TBC1D5: variants seen among roughly 807,000 people sequenced by gnomAD.
The protein encoded by TBC1D5 is TBC1 domain family member 5, also known as TBC1 domain family, member 5.
A neutral mutation model predicts 100.3 loss-of-function variants in TBC1D5; 75 were observed. That is an observed-to-expected ratio of 0.75 (90% confidence interval 0.62 to 0.91). TBC1D5 has a LOEUF of 0.91. Ranked by LOEUF, TBC1D5 falls within the 40% of genes least tolerant of loss-of-function variation. TBC1D5 has a pLI of 0.00. For missense variants in TBC1D5, 910 were observed against 942.4 expected (o/e 0.97, Z 0.45); for synonymous variants, 323 against 325.6 (o/e 0.99, Z 0.09).
At chr3:17,413,045 G>A (rs1158218218) in intron 4 of TBC1D5, among the ~76,000 whole-genome samples, 2 of 152,176 alleles carry the variant, frequency 1.3e-5, no homozygotes, top group South Asian at 2.1e-4. Context: ...GAACCTGGGT[G>A]TTTAGGTGTG....
At chr3:17,611,769 T>C (rs2061686856) in intron 2 of TBC1D5, among the ~76,000 whole-genome samples, 1 of 152,156 alleles carries the variant, frequency 6.6e-6, no homozygotes, top group African/African-American at 2.4e-5. Flanking sequence ...TTCAAAAAAG[T>C]TGCCTGTAAA....
At chr3:17,480,310 G>C (rs1010627225) in intron 3 of TBC1D5, among the ~76,000 whole-genome samples, 1 of 152,188 alleles carries the variant, frequency 6.6e-6, no homozygotes, top group Non-Finnish European at 1.5e-5. Context: ...ACAGGCTCTC[G>C]GGCAGAAACA....
At chr3:17,332,967 T>C (rs1424980203) in intron 13 of TBC1D5, among the ~76,000 whole-genome samples, 1 of 152,064 alleles carries the variant, frequency 6.6e-6, no homozygotes, top group African/African-American at 2.4e-5. Flanking sequence ...GGAAAATAGC[T>C]GGAGGGGGAT....
intron 1 of TBC1D5, among the ~76,000 whole-genome samples, chr3:17,737,611 A>C (rs1306139217): frequency 6.6e-6 from 1 of 152,180 alleles, no homozygotes; most frequent in African/African-American, 2.4e-5. Flanking sequence ...ATGCACTCAT[A>C]GCAGAATTTT....
intron 2 of TBC1D5, among the ~76,000 whole-genome samples, chr3:17,539,450 C>A (rs534300909): frequency 2.5e-4 from 38 of 152,274 alleles, no homozygotes; most frequent in African/African-American, 8.2e-4. Context: ...TTTTGCAGGG[C>A]CATTTTTAAA....
chr3:17,351,893 T>C (rs1026166230), intron 13 of TBC1D5, among the ~76,000 whole-genome samples: 3 of 150,484 alleles, frequency 2.0e-5, no homozygotes, highest in Non-Finnish European at 4.4e-5. Context: ...TGGCTAAATA[T>C]GGTAAGGGCA....
intron 2 of TBC1D5, among the ~76,000 whole-genome samples, chr3:17,534,042 G>A (rs2096260195): frequency 6.6e-6 from 1 of 152,070 alleles, no homozygotes. Flanking sequence ...GCAATGACAA[G>A]GAGAAGCAGA....
chr3:17,488,786 C>T (rs2095601879), intron 3 of TBC1D5, among the ~76,000 whole-genome samples: 1 of 151,886 alleles, frequency 6.6e-6, no homozygotes, highest in Admixed American at 6.6e-5. Flanking sequence ...TGGTCTGTGG[C>T]CTGTTAGGAA....
At chr3:17,460,455 A>T (rs902941829) in intron 3 of TBC1D5, among the ~76,000 whole-genome samples, 115 of 152,262 alleles carry the variant, frequency 7.6e-4, no homozygotes, top group African/African-American at 2.7e-3. Context: ...CTCTTTCCCA[A>T]TTCTAGACAC....
At chr3:17,602,140 T>C (rs1359579474) in intron 2 of TBC1D5, among the ~76,000 whole-genome samples, 1 of 152,186 alleles carries the variant, frequency 6.6e-6, no homozygotes, top group Admixed American at 6.5e-5. Context: ...CAATAAGTGG[T>C]ATTAACTCAG....
chr3:17,166,077 G>T (rs945019232), intron 21 of TBC1D5, among the ~76,000 whole-genome samples: 2 of 152,174 alleles, frequency 1.3e-5, no homozygotes, highest in African/African-American at 4.8e-5. Flanking sequence ...ACATCTGAGA[G>T]TAGGGGTCAG....
At chr3:17,172,738 T>C (rs934117632) in intron 19 of TBC1D5, among the ~76,000 whole-genome samples, 1 of 152,258 alleles carries the variant, frequency 6.6e-6, no homozygotes, top group South Asian at 2.1e-4. Flanking sequence ...CTCAGGGTAA[T>C]GAAAATGGTA....
At chr3:17,171,400 C>G (rs2067158402) in intron 19 of TBC1D5, among the ~76,000 whole-genome samples, 1 of 152,106 alleles carries the variant, frequency 6.6e-6, no homozygotes, top group African/African-American at 2.4e-5. Flanking sequence ...ACTGGGTGGC[C>G]TAAAACAACA....
chr3:17,693,648 A>ACAGG (rs1440520132), intron 1 of TBC1D5, among the ~76,000 whole-genome samples: 1 of 152,242 alleles, frequency 6.6e-6, no homozygotes, highest in Non-Finnish European at 1.5e-5. Context: ...ACCTCCGTAC[A>ACAGG]CAGGCCTTAG....
At chr3:17,605,210 CA>C (rs2061261051) in intron 2 of TBC1D5, among the ~76,000 whole-genome samples, 1 of 152,148 alleles carries the variant, frequency 6.6e-6, no homozygotes, top group Non-Finnish European at 1.5e-5. Flanking sequence ...AGTGACTCAT[CA>C]ACATGGTTTT....
intron 13 of TBC1D5, among the ~76,000 whole-genome samples, chr3:17,315,520 T>G (rs907667836): frequency 6.6e-6 from 1 of 152,226 alleles, no homozygotes; most frequent in Non-Finnish European, 1.5e-5. Flanking sequence ...CTATCAACTA[T>G]GTGGGTCTAA....
intron 3 of TBC1D5, among the ~76,000 whole-genome samples, chr3:17,473,287 G>A (rs768284977): frequency 3.3e-5 from 5 of 152,032 alleles, no homozygotes; most frequent in Non-Finnish European, 7.4e-5. Context: ...AAGCATATCC[G>A]AATAATCACA....
At chr3:17,570,941 G>A (rs143806477) in intron 2 of TBC1D5, among the ~76,000 whole-genome samples, 42 of 152,014 alleles carry the variant, frequency 2.8e-4, no homozygotes, top group African/African-American at 9.9e-4. Flanking sequence ...AGTTATGTTT[G>A]GATATACAGG....
intron 16 of TBC1D5, among the ~76,000 whole-genome samples, chr3:17,246,664 T>C (rs1053649365): frequency 1.3e-5 from 2 of 152,232 alleles, no homozygotes; most frequent in Non-Finnish European, 2.9e-5. Context: ...TTAACAAATA[T>C]TGCTACACAG....
Sources: allele counts gnomAD v4.1 joint callset (sites outside exome capture counted in the v4.1 genomes callset), GRCh38; gene constraint gnomAD v4.1.1; transcripts MANE v1.5; gene names NCBI Gene and HGNC (gene_info 2026-07-23, HGNC 2026-07-21).